PHLDB1: variants seen among roughly 807,000 people sequenced by gnomAD.
PHLDB1 encodes the protein pleckstrin homology-like domain family B member 1.
In PHLDB1, 65 loss-of-function variants were observed where a neutral mutation model predicts 139.3. The ratio of observed to expected loss-of-function variants is 0.47; its 90% confidence interval spans 0.38 to 0.57. The LOEUF (loss-of-function observed/expected upper bound fraction) is 0.57, where lower values mean the gene tolerates loss of function less well. Ranked by LOEUF, PHLDB1 falls within the 20% of genes least tolerant of loss-of-function variation. PHLDB1 has a pLI of 0.00. For missense variants in PHLDB1, 1,624 were observed against 1,839.7 expected (o/e 0.88, Z 2.14); for synonymous variants, 679 against 734.5 (o/e 0.92, Z 1.22).
rs181363742 is a variant in PHLDB1 at position 118,620,219 on chromosome 11, G to A, written c.355+4008G>A. ...GTATTAATACCTGACTGGGCCGGGTGCAGTGGCTCACGCCTGTAATCCCAA... is the reference window on the plus strand; with the variant it reads ...GTATTAATACCTGACTGGGCCGGGTACAGTGGCTCACGCCTGTAATCCCAA... On this transcript the variant is annotated intron_variant, in intron 4 of 22. Transcript: ENST00000600882. The surrounding 1 kb of genome is among the most constrained non-coding windows in gnomAD (Gnocchi z 4.1). 1.6e-3 allele frequency among the ~76,000 whole-genome samples: 237 copies of A among 152,380 alleles called. No individual in the cohort carries two copies. Among genetic ancestry groups the A allele is most frequent in the African/African-American group, 4.6e-3 (192 of 41,598 alleles).
intron 12 of PHLDB1, chr11:118,641,644 C>G: frequency 2.3e-6 from 3 of 1,287,560 alleles, no homozygotes; most frequent in Non-Finnish European, 2.0e-6. Flanking sequence ...AAAGGTGATG[C>G]GGGGCACCTC....
At chr11:118,641,669 C>T in intron 12 of PHLDB1, 1 of 1,289,342 alleles carries the variant, frequency 7.8e-7, no homozygotes, top group Non-Finnish European at 1.0e-6. Flanking sequence ...ATGCCCCCAG[C>T]CCCTGTGCCA....
chr11:118,646,076 C>T (rs1947461444), intron 17 of PHLDB1, among the ~76,000 whole-genome samples: 1 of 152,060 alleles, frequency 6.6e-6, no homozygotes, highest in South Asian at 2.1e-4. Context: ...CTGGCTAACA[C>T]GGTGAAACCC....
At chr11:118,624,212 T>C (rs1555098335) in intron 4 of PHLDB1, 1 of 152,132 alleles carries the variant, frequency 6.6e-6, no homozygotes, top group Non-Finnish European at 1.5e-5. Flanking sequence ...TCTGAATATA[T>C]TTTTACAGAG....
chr11:118,618,274 T>C (rs1281805067), intron 4 of PHLDB1, among the ~76,000 whole-genome samples: 1 of 151,720 alleles, frequency 6.6e-6, no homozygotes, highest in Non-Finnish European at 1.5e-5. Context: ...TGTGGAGGGG[T>C]AGGCAGAGGC....
chr11:118,624,469 TG>T (rs1425262794), intron 4 of PHLDB1: 1 of 187,844 alleles, frequency 5.3e-6, no homozygotes, highest in African/African-American at 2.4e-5. Flanking sequence ...GTGTGGACTG[TG>T]TGGACTCTGA....
At chr11:118,618,209 C>T (rs1555091365) in intron 4 of PHLDB1, among the ~76,000 whole-genome samples, 1 of 152,134 alleles carries the variant, frequency 6.6e-6, no homozygotes, top group African/African-American at 2.4e-5. Flanking sequence ...ATTTTCCCTC[C>T]CCAACCCCCA....
At position 118,656,992 on chromosome 11, in the gene PHLDB1, C is replaced by T. The variant is rs1304970117; in HGVS notation, c.*169C>T. 16 of 601,464 alleles carry T rather than the reference C, an allele frequency of 2.7e-5. No individual in the cohort carries two copies. Among genetic ancestry groups the T allele is most frequent in the Admixed American group, 2.1e-4 (7 of 33,282 alleles). 37.3% of individuals were successfully genotyped at this position (601,464 alleles called of 1,614,324 possible). A position where few individuals can be genotyped will look rare whatever the true frequency, so the allele number is the denominator to read the frequency against. On this transcript the variant is annotated 3_prime_UTR_variant, in exon 23 of 23. Coordinates refer to ENST00000600882, the MANE Select transcript of PHLDB1 (RefSeq NM_001144758.3). Reference sequence around the variant, plus strand: ...CTGCCTCCTGGGAGCCCAGAACTTGCAGTAACCCTTTAGGGTCCTGCCCCA... The same window carrying T: ...CTGCCTCCTGGGAGCCCAGAACTTGTAGTAACCCTTTAGGGTCCTGCCCCA...
rs186763701 is a variant in PHLDB1, at chr11:118,608,775, C to G, written c.-22+1076C>G. On this transcript the variant is annotated intron_variant, in intron 1 of 22. Coordinates refer to ENST00000600882, the MANE Select transcript of PHLDB1 (RefSeq NM_001144758.3). This position sits in a 1 kb window ranked among gnomAD's most constrained non-coding sequence, Gnocchi z 6.7. ...CCAGACACACCCGGACCCGCCCACA[C>G]GCCGAGGCCTTCCCACGCACTCCAT... Among the ~76,000 whole-genome samples, 6 of 152,310 alleles carry G rather than the reference C, an allele frequency of 3.9e-5. No homozygotes were observed. The highest frequency in any genetic ancestry group is 1.3e-4 in the Admixed American group (2 of 15,304).
rs979792101 is a variant in PHLDB1, at chr11:118,650,526, C to T, written c.3853C>T (p.Arg1285Cys). The T allele has an allele frequency of 1.4e-5, 22 of 1,613,390 alleles. No individual in the cohort carries two copies. Among genetic ancestry groups the T allele is most frequent in the African/African-American group, 1.1e-4 (8 of 74,886 alleles). ...CTGGTTTGTCTTCGACCGGCTCAAG[C>T]GCACCCTTTCCTATTATGTGGGTGA... ...KRWFVFDRLKRTLSYYVDKHE... is the reference protein window; with the variant it reads ...KRWFVFDRLKCTLSYYVDKHE... Residue 1285 changes from arginine (R) to cysteine (C), a missense_variant, in exon 20 of 23, where the codon CGC (arginine) becomes TGC (cysteine). Physicochemically the swap from Arg to Cys is radical, Grantham distance 180 (BLOSUM62 -3). Transcript: ENST00000600882. The surrounding 1 kb of genome is among the most constrained non-coding windows in gnomAD (Gnocchi z 4.7).
Position 118,620,995 on chromosome 11 carries a change from A to G in PHLDB1, c.356-3939A>G, listed in dbSNP as rs1942655978. On this transcript the variant is annotated intron_variant, in intron 4 of 22. Transcript: ENST00000600882. The surrounding 1 kb of genome is among the most constrained non-coding windows in gnomAD (Gnocchi z 4.1). Reference sequence around the variant, plus strand: ...TTCTGTAGATAAGGAAGCCGAGGCCAGAGGGTGTGACTGGCCCAAGGTACT... The same window carrying G: ...TTCTGTAGATAAGGAAGCCGAGGCCGGAGGGTGTGACTGGCCCAAGGTACT... Among the ~76,000 whole-genome samples the G allele has an allele frequency of 6.6e-6, 1 of 152,138 alleles. No homozygotes were observed.
Position 118,632,120 on chromosome 11 carries a change from G to T in PHLDB1, c.2242-39G>T. ...CTGAAGGCCCCAGAGAGGGGCCACAGTCAGCTGCTTTGATGGGGACCCTGG... is the reference window on the plus strand; with the variant it reads ...CTGAAGGCCCCAGAGAGGGGCCACATTCAGCTGCTTTGATGGGGACCCTGG... On this transcript the variant is annotated intron_variant, in intron 8 of 22. Coordinates refer to ENST00000600882, the MANE Select transcript of PHLDB1 (RefSeq NM_001144758.3). The surrounding 1 kb of genome is among the most constrained non-coding windows in gnomAD (Gnocchi z 5.9). The T allele has an allele frequency of 6.2e-7, 1 of 1,613,874 alleles. No individual in the cohort carries two copies. The highest frequency in any genetic ancestry group is 8.5e-7 in the Non-Finnish European group (1 of 1,179,824).
At chr11:118,623,275 G>A (rs1411966681) in intron 4 of PHLDB1, among the ~76,000 whole-genome samples, 1 of 152,236 alleles carries the variant, frequency 6.6e-6, no homozygotes, top group Non-Finnish European at 1.5e-5. Context: ...TGGAAGGATT[G>A]GTGGTAGAGA....
intron 4 of PHLDB1, among the ~76,000 whole-genome samples, chr11:118,623,619 G>A (rs994983154): frequency 1.3e-5 from 2 of 152,146 alleles, no homozygotes; most frequent in South Asian, 2.1e-4. Flanking sequence ...GGTGGTGGTC[G>A]CTCCCTAGAC....
intron 17 of PHLDB1, chr11:118,646,859 C>T (rs1190502139): frequency 6.6e-6 from 1 of 152,128 alleles, no homozygotes; most frequent in Non-Finnish European, 1.5e-5. Flanking sequence ...GAGGACCAGC[C>T]AGAAAAGAAT....
In PHLDB1 at chr11:118,644,056, CTCCAT is replaced by C; in HGVS notation, c.3019-12_3019-8del. 6.2e-7 allele frequency: 1 copy of C among 1,612,876 alleles called. No individual in the cohort carries two copies. The highest frequency in any genetic ancestry group is 1.1e-5 in the South Asian group (1 of 90,962). On this transcript the variant is annotated splice_polypyrimidine_tract_variant and intron_variant, in intron 14 of 22. Transcript: ENST00000600882. The stretch of plus-strand genomic sequence containing the variant: ...GGCCTTCTGAGCCCAGGTCCGAACT[CTCCAT>C]TCCTCTGCAGAGCGCTCTACTCACC...
Position 118,635,447 on chromosome 11 carries a change from CA to C in PHLDB1, c.2435del (p.Gln812ArgfsTer76). 6.2e-7 allele frequency: 1 copy of C among 1,612,190 alleles called. No homozygotes were observed. The highest frequency in any genetic ancestry group is 8.5e-7 in the Non-Finnish European group (1 of 1,179,284). ...GCTCTTTGAGGACTTGGAGTTCCAG[CA>C]GTTGGAGCGGGAGAGCCGCGTGGAG... ...TKLFEDLEFQQLERESRVEEE... is the reference protein window; with the variant it reads ...TKLFEDLEFQXLERESRVEEE... On this transcript the variant is annotated frameshift_variant, in exon 10 of 23. Transcript: ENST00000600882. LOFTEE classifies it high-confidence loss of function.
chr11:118,616,255 G>C, intron 4 of PHLDB1, 44 bp downstream of exon 4: 1 of 1,579,396 alleles, frequency 6.3e-7, no homozygotes, highest in Non-Finnish European at 8.7e-7. Context: ...CTGTTTAAAG[G>C]CTTGTGTGTA....
chr11:118,621,010 C>A (rs1942659990), intron 4 of PHLDB1, among the ~76,000 whole-genome samples: 1 of 152,132 alleles, frequency 6.6e-6, no homozygotes, highest in African/African-American at 2.4e-5. Flanking sequence ...GTGTGACTGG[C>A]CCAAGGTACT....
Sources: gnomAD v4.1 joint callset for allele counts (sites outside exome capture counted in the v4.1 genomes callset) on GRCh38, gnomAD v4.1.1 for gene constraint, Gnocchi (gnomAD v3.1) non-coding constraint, MANE v1.5 for transcripts, NCBI Gene and HGNC (gene_info 2026-07-23, HGNC 2026-07-21) for gene names.